Variants in CPXM2 observed in about 807,000 individuals in gnomAD.
CPXM2 encodes the protein carboxypeptidase X, M14 family member 2, also known as inactive carboxypeptidase-like protein X2.
A neutral mutation model predicts 86.1 loss-of-function variants in CPXM2; 66 were observed. That is an observed-to-expected ratio of 0.77 (90% CI 0.63 to 0.94). The LOEUF (loss-of-function observed/expected upper bound fraction) is 0.94. Among genes scored for constraint, CPXM2 ranks in the 40% least tolerant of loss-of-function variants. The probability of loss-of-function intolerance (pLI) is 0.00; values close to 1 mark genes in which losing one functional copy is unlikely to be tolerated. For missense variants in CPXM2, 948 were observed against 1,026.3 expected (o/e 0.92, Z 1.04); for synonymous variants, 388 against 400.2 (o/e 0.97, Z 0.36).
intron 2 of CPXM2, among the ~76,000 whole-genome samples, chr10:123,925,695 A>G (rs1211056424): frequency 6.6e-6 from 1 of 152,064 alleles, no homozygotes; most frequent in Non-Finnish European, 1.5e-5. Context: ...ACCCTACCAC[A>G]CTTACCACAC....
chr10:123,859,239 G>A (rs578042160), intron 3 of CPXM2, among the ~76,000 whole-genome samples: 8 of 152,342 alleles, frequency 5.3e-5, no homozygotes, highest in African/African-American at 1.4e-4. Context: ...CAAAATACTC[G>A]TATGTGAGAC....
Position 123,931,821 on chromosome 10 carries a change from A to G in CPXM2, n.174+7656T>C, listed in dbSNP as rs370615284. ...AACCACTATATGTAAAAAGGTGTTT[A>G]TCATAATATTGTTCAGAATAGCACT... On this transcript the variant is annotated intron_variant and non_coding_transcript_variant, in intron 2 of 19. Transcript: ENST00000368854. Among the ~76,000 whole-genome samples the G allele has an allele frequency of 1.4e-4, 21 of 152,352 alleles. No individual in the cohort carries two copies. In the East Asian group the frequency reaches 4.1e-3, roughly 29 times the overall value.
Position 123,790,717 on chromosome 10 carries a change from G to T in CPXM2, c.889+7259C>A, listed in dbSNP as rs1235215459. Reference sequence around the variant, plus strand: ...GGTACAGGCAGGTCTCCCCCATCGTGCCAAGAGAGACGGGGGCAGCAAGTG... The same window carrying T: ...GGTACAGGCAGGTCTCCCCCATCGTTCCAAGAGAGACGGGGGCAGCAAGTG... On this transcript the variant is annotated intron_variant, in intron 6 of 13. Transcript: ENST00000241305. 2.0e-5 allele frequency among the ~76,000 whole-genome samples: 3 copies of T among 152,252 alleles called. No homozygotes were observed. The East Asian group carries it at 5.8e-4, about 29-fold the overall frequency.
At chr10:123,836,744 T>C (rs538971805) in intron 4 of CPXM2, among the ~76,000 whole-genome samples, 10 of 152,324 alleles carry the variant, frequency 6.6e-5, no homozygotes, top group African/African-American at 1.9e-4. Context: ...GGAACAGCCC[T>C]GAGCACTGCT....
chr10:123,863,543 C>G (rs1434171060), intron 2 of CPXM2, among the ~76,000 whole-genome samples: 1 of 152,206 alleles, frequency 6.6e-6, no homozygotes, highest in East Asian at 1.9e-4. Flanking sequence ...GCCTGAAGGA[C>G]ATGAATCTGA....
intron 2 of CPXM2, among the ~76,000 whole-genome samples, chr10:123,910,840 CG>C (rs11302940): frequency 0.13 from 20,020 of 152,158 alleles, 1,489 homozygotes; most frequent in South Asian, 0.17. Flanking sequence ...CACCAGCTCT[CG>C]GGGAGGATCC....
chr10:123,829,499 A>T (rs1475719090), intron 4 of CPXM2, among the ~76,000 whole-genome samples: 1 of 152,152 alleles, frequency 6.6e-6, no homozygotes, highest in East Asian at 1.9e-4. Context: ...TTAAACACAA[A>T]CAGTACCAGG....
Position 123,774,861 on chromosome 10 carries a change from C to T in CPXM2, c.979-3822G>A, listed in dbSNP as rs551657715. 4.6e-5 allele frequency among the ~76,000 whole-genome samples: 7 copies of T among 152,344 alleles called. No individual in the cohort carries two copies. The South Asian group carries it at 1.4e-3, about 32-fold the overall frequency. On this transcript the variant is annotated intron_variant, in intron 7 of 13. Transcript: ENST00000241305. ...ATGAAGACAGACACTGCCAGGACAG[C>T]AGGGGGCCACATATGAATAGCACCA... is the stretch of plus-strand genomic sequence containing the variant.
At chr10:123,805,001 A>C (rs1211560158) in intron 4 of CPXM2, among the ~76,000 whole-genome samples, 1 of 152,098 alleles carries the variant, frequency 6.6e-6, no homozygotes, top group Admixed American at 6.5e-5. Flanking sequence ...ATGTGGCAAG[A>C]GGACTTATTA....
chr10:123,779,192 GAT>G (rs1846876739), intron 7 of CPXM2, among the ~76,000 whole-genome samples: 2 of 152,210 alleles, frequency 1.3e-5, no homozygotes, highest in Admixed American at 6.5e-5. Context: ...TGTCTCTTCA[GAT>G]TCTTAGCTCT....
intron 4 of CPXM2, among the ~76,000 whole-genome samples, chr10:123,811,357 T>TC (rs1429409635): frequency 6.6e-6 from 1 of 152,140 alleles, no homozygotes; most frequent in Non-Finnish European, 1.5e-5. Context: ...GTCCAAGTGT[T>TC]CTCATTGTTC....
chr10:123,750,366 C>T, intron 13 of CPXM2: 2 of 972,684 alleles, frequency 2.1e-6, no homozygotes, highest in Non-Finnish European at 2.4e-6. Flanking sequence ...GCCGGCCTCT[C>T]TCCAGCCACA....
chr10:123,841,942 AG>A, intron 4 of CPXM2, among the ~76,000 whole-genome samples: 1 of 152,302 alleles, frequency 6.6e-6, no homozygotes, highest in Admixed American at 6.5e-5. Flanking sequence ...CCTTCTTTCC[AG>A]GATCTGGACA....
chr10:123,814,226 A>G (rs1039740061), intron 4 of CPXM2, among the ~76,000 whole-genome samples: 1 of 152,212 alleles, frequency 6.6e-6, no homozygotes, highest in Non-Finnish European at 1.5e-5. Context: ...GTAGGCTTGG[A>G]AAGACAGACC....
At chr10:123,881,413 G>T (rs1200673474) in intron 1 of CPXM2, among the ~76,000 whole-genome samples, 1 of 151,938 alleles carries the variant, frequency 6.6e-6, no homozygotes, top group Non-Finnish European at 1.5e-5. Context: ...TCTAGGTAGA[G>T]CCTGATGCAG....
intron 2 of CPXM2, among the ~76,000 whole-genome samples, chr10:123,868,468 C>T (rs971387673): frequency 1.3e-5 from 2 of 152,144 alleles, no homozygotes; most frequent in Admixed American, 1.3e-4. Context: ...GAGACAAGTA[C>T]TGTCTCGCAG....
intron 4 of CPXM2, among the ~76,000 whole-genome samples, chr10:123,802,006 G>A (rs145844424): frequency 2.2e-4 from 34 of 152,154 alleles, no homozygotes; most frequent in South Asian, 1.7e-3. Context: ...TGATACTGTC[G>A]TTCTCTCCCA....
intron 3 of CPXM2, among the ~76,000 whole-genome samples, chr10:123,861,219 A>T (rs980863615): frequency 1.3e-5 from 2 of 152,184 alleles, no homozygotes; most frequent in African/African-American, 2.4e-5. Flanking sequence ...TCTCAGGGCC[A>T]GGGGCAAGGA....
chr10:123,853,027 G>C (rs1034867982), intron 3 of CPXM2, among the ~76,000 whole-genome samples: 1 of 152,106 alleles, frequency 6.6e-6, no homozygotes, highest in African/African-American at 2.4e-5. Context: ...TTGGAGATGG[G>C]GCCTGGTGGG....
Sources: allele counts gnomAD v4.1 joint callset (sites outside exome capture counted in the v4.1 genomes callset), GRCh38; gene constraint gnomAD v4.1.1; transcripts MANE v1.5; gene names NCBI Gene and HGNC (gene_info 2026-07-23, HGNC 2026-07-21).